PLEKHH2: variants seen among roughly 807,000 people sequenced by gnomAD.
The protein encoded by PLEKHH2 is pleckstrin homology, MyTH4 and FERM domain containing H2.
In PLEKHH2, 129 loss-of-function variants were observed where a neutral mutation model predicts 187.9. That is an observed-to-expected ratio of 0.69 (90% CI 0.59 to 0.79). PLEKHH2 has a LOEUF of 0.79. Ranked by LOEUF, PLEKHH2 falls within the 30% of genes least tolerant of loss-of-function variation. The probability of loss-of-function intolerance (pLI) is 0.00; values close to 1 mark genes in which losing one functional copy is unlikely to be tolerated. For missense variants in PLEKHH2, 2,076 were observed against 1,751.2 expected (o/e 1.19, Z -3.31); for synonymous variants, 686 against 605.6 (o/e 1.13, Z -1.95).
intron 24 of PLEKHH2, among the ~76,000 whole-genome samples, chr2:43,747,834 T>G (rs1466343858): frequency 6.6e-6 from 1 of 152,222 alleles, no homozygotes; most frequent in Non-Finnish European, 1.5e-5. Flanking sequence ...AAAATTGGAA[T>G]GTAAGAATTG....
rs189278183 is a variant in PLEKHH2, at chr2:43,752,327, G to A, written c.3654-1292G>A. The stretch of plus-strand genomic sequence containing the variant: ...ATAATCCTGCATTATTTGTCTTTGT[G>A]TAGTCATCATAGATTAAAATGGAGC... On this transcript the variant is annotated intron_variant, in intron 24 of 29. Transcript: ENST00000282406. Among the ~76,000 whole-genome samples the A allele has an allele frequency of 2.5e-3, 379 of 152,160 alleles. 2 individuals carry two copies. The highest frequency in any genetic ancestry group is 8.8e-3 in the African/African-American group (367 of 41,510).
chr2:43,671,738 A>C (rs1667508408), intron 2 of PLEKHH2, among the ~76,000 whole-genome samples: 1 of 152,236 alleles, frequency 6.6e-6, no homozygotes, highest in Non-Finnish European at 1.5e-5. Flanking sequence ...GCCACTTGAC[A>C]TGGTGAACTA....
At chr2:43,678,402 C>T (rs1457893461) in intron 2 of PLEKHH2, among the ~76,000 whole-genome samples, 2 of 152,260 alleles carry the variant, frequency 1.3e-5, no homozygotes, top group Admixed American at 6.5e-5. Flanking sequence ...CACGCCACTG[C>T]ACTCCAGCCT....
At chr2:43,681,286 G>C (rs769541137) in intron 3 of PLEKHH2, 3 of 722,176 alleles carry the variant, frequency 4.2e-6, no homozygotes, top group Non-Finnish European at 7.0e-6. Context: ...TGCCATGCTG[G>C]CTGACTGTAA....
chr2:43,713,294 T>C (rs1368935396), intron 15 of PLEKHH2, among the ~76,000 whole-genome samples: 2 of 152,182 alleles, frequency 1.3e-5, no homozygotes, highest in Admixed American at 6.5e-5. Context: ...AGTGTAGAGT[T>C]TGACTAGTTT....
intron 4 of PLEKHH2, among the ~76,000 whole-genome samples, chr2:43,693,795 T>A (rs879931031): frequency 6.6e-6 from 1 of 151,572 alleles, no homozygotes; most frequent in Non-Finnish European, 1.5e-5. Context: ...CTTAACATCA[T>A]TTAAATATGA....
intron 27 of PLEKHH2, 122 bp from the exon 28 acceptor site, chr2:43,762,182 T>C: frequency 1.4e-6 from 1 of 727,202 alleles, no homozygotes; most frequent in Non-Finnish European, 2.3e-6. Flanking sequence ...GCGAGATTTT[T>C]AATAAATTTT....
intron 28 of PLEKHH2, 115 bp from the exon 29 acceptor site, chr2:43,764,113 A>G (rs1421675935): frequency 3.5e-6 from 2 of 577,480 alleles, no homozygotes; most frequent in Non-Finnish European, 5.4e-6. Flanking sequence ...ATAATTTTGT[A>G]TTATACCATA....
At chr2:43,681,556 C>T in intron 3 of PLEKHH2, 1 of 1,234,398 alleles carries the variant, frequency 8.1e-7, no homozygotes, top group Non-Finnish European at 1.2e-6. Flanking sequence ...AGACTCACTT[C>T]TGTGGGCCCG....
At chr2:43,754,555 C>G (rs1005370989) in intron 25 of PLEKHH2, among the ~76,000 whole-genome samples, 1 of 152,128 alleles carries the variant, frequency 6.6e-6, no homozygotes. Flanking sequence ...GTGGTCTCAG[C>G]GGGGTGGCAG....
chr2:43,732,344 C>T (rs1033022612), intron 19 of PLEKHH2, among the ~76,000 whole-genome samples: 2 of 151,708 alleles, frequency 1.3e-5, no homozygotes, highest in Admixed American at 1.3e-4. Flanking sequence ...GCCTGGGCAA[C>T]AAGAGTGAAA....
chr2:43,671,760 T>C (rs1029516412), intron 2 of PLEKHH2, among the ~76,000 whole-genome samples: 4 of 152,238 alleles, frequency 2.6e-5, no homozygotes, highest in African/African-American at 9.6e-5. Context: ...ATTGGTTTAT[T>C]TTTCAAAAGT....
At chr2:43,647,077 T>C (rs1271346402) in intron 2 of PLEKHH2, among the ~76,000 whole-genome samples, 3 of 152,242 alleles carry the variant, frequency 2.0e-5, no homozygotes, top group East Asian at 1.9e-4. Context: ...AATGAAAATA[T>C]CTAATATTTA....
chr2:43,674,851 G>A (rs1002984317), intron 2 of PLEKHH2, among the ~76,000 whole-genome samples: 4 of 152,152 alleles, frequency 2.6e-5, no homozygotes, highest in Admixed American at 2.6e-4. Context: ...TGGGCATGGT[G>A]GTGTGTACCT....
At chr2:43,680,709 AG>A in intron 3 of PLEKHH2, 1 of 415,988 alleles carries the variant, frequency 2.4e-6, no homozygotes, top group Non-Finnish European at 4.7e-6. Context: ...AGCCTTCCGA[AG>A]GAAATTTATC....
At chr2:43,637,791 G>C (rs1010555183) in intron 1 of PLEKHH2, among the ~76,000 whole-genome samples, 1 of 152,184 alleles carries the variant, frequency 6.6e-6, no homozygotes, top group African/African-American at 2.4e-5. Flanking sequence ...CTTAGGCTTC[G>C]GGAGATCCAC....
intron 16 of PLEKHH2, among the ~76,000 whole-genome samples, chr2:43,724,424 G>T (rs1399827167): frequency 6.6e-6 from 1 of 152,190 alleles, no homozygotes; most frequent in Non-Finnish European, 1.5e-5. Context: ...TAAATCTGAT[G>T]CAGACCGTGT....
chr2:43,670,582 C>T (rs780293779), intron 2 of PLEKHH2, among the ~76,000 whole-genome samples: 1 of 151,656 alleles, frequency 6.6e-6, no homozygotes, highest in Non-Finnish European at 1.5e-5. Flanking sequence ...CTACTATTGG[C>T]AATTTTATAA....
intron 27 of PLEKHH2, among the ~76,000 whole-genome samples, chr2:43,760,366 T>TC (rs1352953008): frequency 6.9e-5 from 10 of 145,476 alleles, no homozygotes; most frequent in Non-Finnish European, 1.4e-4. Flanking sequence ...AACCTTTTTT[T>TC]TTTTTTTTTT....
Sources: gnomAD v4.1 joint callset for allele counts (sites outside exome capture counted in the v4.1 genomes callset) on GRCh38, gnomAD v4.1.1 for gene constraint, MANE v1.5 for transcripts, NCBI Gene and HGNC (gene_info 2026-07-23, HGNC 2026-07-21) for gene names.